C16orf96: variants seen among roughly 807,000 people sequenced by gnomAD.
The protein encoded by C16orf96 is chromosome 16 open reading frame 96.
Under a neutral mutation model 103.6 loss-of-function variants are expected in C16orf96, and 108 were observed. That is an observed-to-expected ratio of 1.04 (90% confidence interval 0.89 to 1.22). C16orf96 has a LOEUF of 1.22. Ranked by LOEUF, C16orf96 falls within the 50% of genes most tolerant of loss-of-function variation. The probability of loss-of-function intolerance (pLI) is 0.00; values close to 1 mark genes in which losing one functional copy is unlikely to be tolerated. For synonymous variants in C16orf96, 566 were observed against 593.5 expected, an observed-to-expected ratio of 0.95 and a Z score of 0.67; for missense variants, 1,586 against 1,464.2, an observed-to-expected ratio of 1.08 and a Z score of -1.36.
At chr16:4,567,462 A>G (rs985100717) in intron 1 of C16orf96, among the ~76,000 whole-genome samples, 29 of 146,876 alleles carry the variant, frequency 2.0e-4, no homozygotes, top group Admixed American at 1.2e-3. Context: ...TTTTTTTTGT[A>G]TGTTTAGTAG....
intron 1 of C16orf96, among the ~76,000 whole-genome samples, chr16:4,565,780 C>A (rs1401650682): frequency 6.6e-6 from 1 of 152,208 alleles, no homozygotes; most frequent in Non-Finnish European, 1.5e-5. Flanking sequence ...TCAGCCACCA[C>A]ACCCAGCCTC....
At position 4,578,628 on chromosome 16, in the gene C16orf96, T is replaced by C. The variant is rs1436590033; in HGVS notation, c.2156-312T>C. ...CAAAAATTAGCTGGGCGTGGTGGCG[T>C]GTGCCTGTAATCCCAGGTACTCGGG... On this transcript the variant is annotated intron_variant, in intron 5 of 15. Transcript: ENST00000444310. Among the ~76,000 whole-genome samples the C allele has an allele frequency of 7.2e-5, 11 of 151,914 alleles. No individual in the cohort carries two copies. In the Middle Eastern group the frequency reaches 0.02, roughly 282 times the overall value.
chr16:4,594,888 G>A (rs1361326629), intron 14 of C16orf96, 85 bp downstream of exon 14: 41 of 1,387,460 alleles, frequency 3.0e-5, no homozygotes, highest in Non-Finnish European at 3.9e-5. Context: ...GTGGGGCCCA[G>A]AGCCAGCACT....
At chr16:4,598,518 GATA>G (rs540920364) in intron 14 of C16orf96, among the ~76,000 whole-genome samples, 257 of 152,244 alleles carry the variant, frequency 1.7e-3, no homozygotes, top group African/African-American at 5.8e-3. Flanking sequence ...TTCAGAACAA[GATA>G]GTGGTGGTGG....
At chr16:4,574,920 GA>G (rs2059482725) in intron 3 of C16orf96, 51 bp from the exon 4 acceptor site, 1 of 1,533,086 alleles carries the variant, frequency 6.5e-7, no homozygotes, top group Admixed American at 2.0e-5. Flanking sequence ...AGGTGTGGGG[GA>G]CACTGCCCCC....
intron 7 of C16orf96, among the ~76,000 whole-genome samples, chr16:4,584,610 C>G (rs1487770911): frequency 6.6e-6 from 1 of 151,414 alleles, no homozygotes; most frequent in Non-Finnish European, 1.5e-5. Context: ...TCTTGGCTTA[C>G]TGCAACATCT....
chr16:4,591,140 T>C (rs1285906613), intron 9 of C16orf96, among the ~76,000 whole-genome samples: 1 of 152,168 alleles, frequency 6.6e-6, no homozygotes, highest in East Asian at 1.9e-4. Context: ...TGAGCAGAGA[T>C]TGCACCACTG....
At chr16:4,563,508 G>A (rs1195939113) in intron 1 of C16orf96, among the ~76,000 whole-genome samples, 1 of 152,082 alleles carries the variant, frequency 6.6e-6, no homozygotes, top group Non-Finnish European at 1.5e-5. Context: ...TCCCACTTCA[G>A]CCCAAAGTGC....
the C16orf96 span, among the ~76,000 whole-genome samples, chr16:4,547,672 G>C: frequency 0.031 from 3,285 of 105,370 alleles, 156 homozygotes; most frequent in African/African-American, 0.095. Context: ...TTCCTTCCTT[G>C]CTTCCTTCCT....
At chr16:4,554,633 C>A (rs777284265), upstream of C16orf96, among the ~76,000 whole-genome samples, 3 of 151,712 alleles carry the variant, frequency 2.0e-5, no homozygotes, top group Non-Finnish European at 2.9e-5. Context: ...GAATTACAGG[C>A]GTGAGCCACC....
rs376262724 is a variant in C16orf96 at position 4,584,679 on chromosome 16, C to A, written c.2353-2360C>A. On this transcript the variant is annotated intron_variant, in intron 7 of 15. Transcript: ENST00000444310. ...CCTCCCGAGTAGCTGGGGTAACAGG[C>A]GTTTGCCACCACACTCGGCTAATTT... is the stretch of plus-strand genomic sequence containing the variant. 3.3e-5 allele frequency among the ~76,000 whole-genome samples: 5 copies of A among 152,216 alleles called. No homozygotes were observed. The East Asian group carries it at 5.8e-4, about 18-fold the overall frequency.
At chr16:4,588,417 T>C (rs1896979542) in intron 9 of C16orf96, 86 bp downstream of exon 9, 1 of 1,430,904 alleles carries the variant, frequency 7.0e-7, no homozygotes, top group African/African-American at 1.4e-5. Context: ...GTTTTCAGTT[T>C]AGGAGGAGCA....
At chr16:4,585,927 C>T (rs149287706) in intron 7 of C16orf96, among the ~76,000 whole-genome samples, 11 of 152,224 alleles carry the variant, frequency 7.2e-5, no homozygotes, top group African/African-American at 2.6e-4. Flanking sequence ...ATAATGGACA[C>T]AGGAGACTCA....
At chr16:4,574,588 G>A (rs772070100) in intron 2 of C16orf96, 121 bp from the exon 3 acceptor site, 125 of 774,026 alleles carry the variant, frequency 1.6e-4, no homozygotes, top group Non-Finnish European at 2.4e-4. Context: ...CACTCCTTGG[G>A]AAACACTGGA....
upstream of C16orf96, among the ~76,000 whole-genome samples, chr16:4,555,855 T>A (rs1310205119): frequency 6.6e-6 from 1 of 151,616 alleles, no homozygotes; most frequent in Non-Finnish European, 1.5e-5. Flanking sequence ...CGCCAGCACA[T>A]CCAGCTAATT....
upstream of C16orf96, among the ~76,000 whole-genome samples, chr16:4,553,299 C>T (rs571354501): frequency 5.3e-5 from 8 of 152,288 alleles, no homozygotes; most frequent in Non-Finnish European, 7.4e-5. Context: ...ATTCAGAAGG[C>T]GTTTTCCTGG....
At chr16:4,559,308 C>G (rs7188479) in intron 1 of C16orf96, among the ~76,000 whole-genome samples, 5,001 of 151,776 alleles carry the variant, frequency 0.033, 281 homozygotes, top group African/African-American at 0.12. Flanking sequence ...TTTGGGAGGC[C>G]GAGGCAGGTG....
intron 8 of C16orf96, 144 bp downstream of exon 8, chr16:4,587,257 C>T (rs1896948602): frequency 3.9e-6 from 3 of 771,382 alleles, no homozygotes; most frequent in Non-Finnish European, 6.3e-6. Flanking sequence ...GGCGCAGTGG[C>T]TCATGCCTGT....
chr16:4,563,224 C>T (rs929626820), intron 1 of C16orf96: 19 of 554,738 alleles, frequency 3.4e-5, no homozygotes, highest in Middle Eastern at 1.1e-3. Flanking sequence ...GTGGAACACC[C>T]TCTTGCTCGT....
Sources: allele counts gnomAD v4.1 joint callset (sites outside exome capture counted in the v4.1 genomes callset), GRCh38; gene constraint gnomAD v4.1.1; transcripts MANE v1.5; gene names NCBI Gene and HGNC (gene_info 2026-07-23, HGNC 2026-07-21).